ARHGAP5: variants seen among roughly 807,000 people sequenced by gnomAD.
ARHGAP5 encodes the protein Rho GTPase activating protein 5.
A neutral mutation model predicts 116.6 loss-of-function variants in ARHGAP5; 23 were observed. That is an observed-to-expected ratio of 0.20 (90% CI 0.14 to 0.28). The LOEUF is 0.28. ARHGAP5 is among the 10% of genes least tolerant of loss of function. The pLI is 1.00. For missense variants in ARHGAP5, 1,405 were observed against 1,774.8 expected (o/e 0.79, Z 3.74); for synonymous variants, 574 against 602.0 (o/e 0.95, Z 0.68).
chr14:32,080,064 T>C (rs904074239), intron 1 of ARHGAP5, among the ~76,000 whole-genome samples: 4 of 152,124 alleles, frequency 2.6e-5, no homozygotes, highest in Admixed American at 6.5e-5. Flanking sequence ...TTGTTTTAAG[T>C]GCAGGCTTTT....
chr14:32,096,847 A>G (rs948222662), intron 2 of ARHGAP5, among the ~76,000 whole-genome samples: 1 of 152,218 alleles, frequency 6.6e-6, no homozygotes, highest in African/African-American at 2.4e-5. Context: ...TGGCTTAAAA[A>G]AGGAAAATTA....
At position 32,155,489 on chromosome 14, in the gene ARHGAP5, G is replaced by A. The variant is rs772646722; in HGVS notation, c.*541G>A. On this transcript the variant is annotated 3_prime_UTR_variant, in exon 7 of 7. Coordinates refer to ENST00000345122, the MANE Select transcript of ARHGAP5 (RefSeq NM_001030055.2). ...TTTGAAAGAAAGAAAAAATACACTT[G>A]ACATATTTCACATTTCTGTACCTTC... is the stretch of plus-strand genomic sequence containing the variant. The A allele has an allele frequency of 1.3e-5, 2 of 152,994 alleles. No homozygotes were observed. The highest frequency in any genetic ancestry group is 2.9e-5 in the Non-Finnish European group (2 of 68,332). The allele number at this position is 152,994 out of a possible 1,614,324, so 9.5% of individuals were successfully genotyped here.
At chr14:32,109,885 T>C (rs1594360965) in intron 2 of ARHGAP5, among the ~76,000 whole-genome samples, 1 of 152,300 alleles carries the variant, frequency 6.6e-6, no homozygotes, top group Admixed American at 6.5e-5. Flanking sequence ...TCTGAGGCTG[T>C]CCTGCTTTTT....
chr14:32,082,370 GAGGTTTCATTTGTCTT>G (rs2041785831), intron 1 of ARHGAP5, among the ~76,000 whole-genome samples: 1 of 152,044 alleles, frequency 6.6e-6, no homozygotes, highest in Non-Finnish European at 1.5e-5. Context: ...TTTCATTACC[GAGGTTTCATTTGTCTT>G]TGGAAATAAC....
At chr14:32,141,719 G>A (rs1410079728) in intron 3 of ARHGAP5, among the ~76,000 whole-genome samples, 2 of 151,920 alleles carry the variant, frequency 1.3e-5, no homozygotes, top group East Asian at 3.9e-4. Flanking sequence ...CTCAACTTTC[G>A]TTTATCTAAG....
At chr14:32,098,035 C>T (rs1315055992) in intron 2 of ARHGAP5, among the ~76,000 whole-genome samples, 2 of 152,198 alleles carry the variant, frequency 1.3e-5, no homozygotes, top group South Asian at 2.1e-4. Flanking sequence ...CACTGTTCTT[C>T]ATACTGAGCT....
At chr14:32,116,615 A>T (rs1879612809) in intron 2 of ARHGAP5, among the ~76,000 whole-genome samples, 1 of 152,154 alleles carries the variant, frequency 6.6e-6, no homozygotes, top group South Asian at 2.1e-4. Flanking sequence ...TAAATAAAAT[A>T]AAAATAAAAA....
chr14:32,101,441 A>G (rs1478298807), intron 2 of ARHGAP5, among the ~76,000 whole-genome samples: 1 of 152,178 alleles, frequency 6.6e-6, no homozygotes, highest in Non-Finnish European at 1.5e-5. Flanking sequence ...ACCTCACTCT[A>G]TCTGTAAATT....
At chr14:32,103,084 G>C (rs2139040892) in intron 2 of ARHGAP5, among the ~76,000 whole-genome samples, 1 of 152,154 alleles carries the variant, frequency 6.6e-6, no homozygotes, top group South Asian at 2.1e-4. Context: ...TTCTTCCTGG[G>C]TAACTGGCTA....
rs1296802977 is a variant in ARHGAP5 at position 32,092,004 on chromosome 14, A to C, written c.1335A>C (p.Ser445=). The part of the protein sequence containing the change: ...KKTLEKIQFI[S]PGQPWEEVMC... ...CTTTGGAAAAAATTCAATTCATTTC[A>C]CCAGGGCAGCCATGGGAGGAAGTTA... The change falls in exon 2 of 7, where the codon TCA becomes TCC. Residue 445 remains serine (S), a synonymous_variant. Transcript: ENST00000345122. This position sits in a 1 kb window ranked among gnomAD's most constrained non-coding sequence, Gnocchi z 4.1. 1.2e-6 allele frequency: 2 copies of C among 1,613,746 alleles called. No individual in the cohort carries two copies. Among genetic ancestry groups the C allele is most frequent in the South Asian group, 2.2e-5 (2 of 91,062 alleles).
At chr14:32,089,344 T>G (rs1240690574) in intron 1 of ARHGAP5, among the ~76,000 whole-genome samples, 1 of 151,818 alleles carries the variant, frequency 6.6e-6, no homozygotes, top group East Asian at 1.9e-4. Context: ...AGATTTTTTT[T>G]GTTCTTTATT....
intron 4 of ARHGAP5, among the ~76,000 whole-genome samples, chr14:32,147,345 C>G (rs1881424943): frequency 6.6e-6 from 1 of 152,158 alleles, no homozygotes; most frequent in Non-Finnish European, 1.5e-5. Context: ...CAGGGTGTGA[C>G]ATACCTAGCT....
intron 3 of ARHGAP5, among the ~76,000 whole-genome samples, chr14:32,143,555 T>C (rs1010594492): frequency 6.6e-5 from 10 of 152,198 alleles, no homozygotes; most frequent in Non-Finnish European, 7.3e-5. Context: ...AAAGGCAACA[T>C]TATTTTACAT....
intron 3 of ARHGAP5, among the ~76,000 whole-genome samples, chr14:32,125,330 CATT>C (rs774500002): frequency 1.3e-5 from 2 of 152,090 alleles, no homozygotes; most frequent in African/African-American, 2.4e-5. Flanking sequence ...TAACATGTAT[CATT>C]ATGTGTATAT....
At chr14:32,106,022 C>G (rs1879000268) in intron 2 of ARHGAP5, among the ~76,000 whole-genome samples, 1 of 152,194 alleles carries the variant, frequency 6.6e-6, no homozygotes, top group Admixed American at 6.5e-5. Flanking sequence ...TGAAGGACAT[C>G]AGGTCGTTCC....
intron 2 of ARHGAP5, among the ~76,000 whole-genome samples, chr14:32,098,383 A>T (rs1878632937): frequency 6.6e-6 from 1 of 152,228 alleles, no homozygotes; most frequent in Non-Finnish European, 1.5e-5. Flanking sequence ...GGATGCGCTA[A>T]TCTAAATGGT....
intron 2 of ARHGAP5, among the ~76,000 whole-genome samples, chr14:32,112,349 G>A (rs1879352600): frequency 6.6e-6 from 1 of 152,162 alleles, no homozygotes; most frequent in Non-Finnish European, 1.5e-5. Context: ...TATTAAGTAG[G>A]AAGAGCAGTT....
chr14:32,150,797 C>A (rs1321036387), intron 5 of ARHGAP5, among the ~76,000 whole-genome samples: 2 of 152,152 alleles, frequency 1.3e-5, no homozygotes, highest in South Asian at 2.1e-4. Flanking sequence ...TGTTGTAAGT[C>A]ATTTTGGGAA....
intron 3 of ARHGAP5, among the ~76,000 whole-genome samples, chr14:32,140,875 G>A (rs1881093831): frequency 6.6e-6 from 1 of 152,152 alleles, no homozygotes; most frequent in East Asian, 1.9e-4. Flanking sequence ...TTTCCTTGGT[G>A]ATCTGTCTAG....
Sources: allele counts gnomAD v4.1 joint callset (sites outside exome capture counted in the v4.1 genomes callset), GRCh38; gene constraint gnomAD v4.1.1; non-coding constraint Gnocchi (gnomAD v3.1); transcripts MANE v1.5; gene names NCBI Gene and HGNC (gene_info 2026-07-23, HGNC 2026-07-21).